Variants in CNOT2 observed in about 807,000 individuals in gnomAD.
CNOT2 encodes the protein CCR4-NOT transcription complex subunit 2.
A neutral mutation model predicts 72.1 loss-of-function variants in CNOT2; 7 were observed. That is an observed-to-expected ratio of 0.10 (90% confidence interval 0.06 to 0.18). The LOEUF is 0.18. CNOT2 is among the 10% of genes least tolerant of loss of function. The pLI is 1.00. For missense variants in CNOT2, 345 were observed against 660.3 expected, an observed-to-expected ratio of 0.52 and a Z score of 5.23; for synonymous variants, 196 against 225.6, an observed-to-expected ratio of 0.87 and a Z score of 1.17.
chr12:70,315,002 T>TA (rs1311442362), intron 3 of CNOT2, among the ~76,000 whole-genome samples: 1 of 152,096 alleles, frequency 6.6e-6, no homozygotes, highest in Non-Finnish European at 1.5e-5. Flanking sequence ...TAGCTGGGAT[T>TA]ACAGGCATGC....
chr12:70,300,035 G>C (rs1873617735), intron 2 of CNOT2, among the ~76,000 whole-genome samples: 1 of 152,266 alleles, frequency 6.6e-6, no homozygotes, highest in South Asian at 2.1e-4. Context: ...TTTGAGAAGT[G>C]TCTGTTCATG....
At chr12:70,291,177 T>C (rs998299266) in intron 2 of CNOT2, among the ~76,000 whole-genome samples, 5 of 152,194 alleles carry the variant, frequency 3.3e-5, no homozygotes, top group Non-Finnish European at 5.9e-5. Flanking sequence ...ATTCATTTTC[T>C]CAGCTGTCAG....
At chr12:70,265,038 C>G (rs1480931905) in intron 1 of CNOT2, among the ~76,000 whole-genome samples, 1 of 151,746 alleles carries the variant, frequency 6.6e-6, no homozygotes, top group Non-Finnish European at 1.5e-5. Flanking sequence ...ATTTGATTTG[C>G]TAATATTTTG....
intron 6 of CNOT2, 150 bp from the exon 7 acceptor site, chr12:70,332,617 A>T: frequency 8.7e-7 from 1 of 1,145,696 alleles, no homozygotes; most frequent in Non-Finnish European, 1.1e-6. Context: ...TCAAGTAAAG[A>T]TAAAGAATAG....
At chr12:70,266,315 G>T (rs952479770) in intron 1 of CNOT2, among the ~76,000 whole-genome samples, 8 of 152,054 alleles carry the variant, frequency 5.3e-5, no homozygotes, top group African/African-American at 9.7e-5. Flanking sequence ...CAGAGATGGG[G>T]TTTCTCCATG....
chr12:70,262,276 T>G (rs1174430047), intron 1 of CNOT2, among the ~76,000 whole-genome samples: 1 of 152,194 alleles, frequency 6.6e-6, no homozygotes, highest in African/African-American at 2.4e-5. Flanking sequence ...AGGTTTTGTT[T>G]TGTTTTGTTT....
intron 1 of CNOT2, among the ~76,000 whole-genome samples, chr12:70,260,131 A>G (rs1228595308): frequency 6.6e-6 from 1 of 152,162 alleles, no homozygotes; most frequent in Non-Finnish European, 1.5e-5. Context: ...TTTTATTAGT[A>G]TCTGCTCCAT....
chr12:70,311,033 A>G lies in CNOT2; in HGVS notation c.171+16A>G. 2 of 1,576,938 alleles carry G rather than the reference A, an allele frequency of 1.3e-6. No individual in the cohort carries two copies. The highest frequency in any genetic ancestry group is 1.7e-6 in the Non-Finnish European group (2 of 1,149,590). ...AGAAAAAGATGTAAGTTAATCAATT[A>G]TGTTGTATTTTTTCAGCAATGTAAG... On this transcript the variant is annotated intron_variant, in intron 3 of 15. Coordinates refer to ENST00000229195, the MANE Select transcript of CNOT2 (RefSeq NM_014515.7).
intron 2 of CNOT2, among the ~76,000 whole-genome samples, chr12:70,299,330 G>C (rs1428496734): frequency 6.6e-6 from 1 of 151,806 alleles, no homozygotes; most frequent in Non-Finnish European, 1.5e-5. Flanking sequence ...CCATTAACTT[G>C]TCATTTAGCA....
intron 15 of CNOT2, among the ~76,000 whole-genome samples, chr12:70,352,745 T>A (rs970943809): frequency 4.6e-5 from 7 of 152,346 alleles, no homozygotes; most frequent in South Asian, 4.1e-4. Flanking sequence ...CAGAGGTATT[T>A]GTTGTTTGCA....
intron 3 of CNOT2, among the ~76,000 whole-genome samples, chr12:70,311,233 G>A (rs1876403085): frequency 6.6e-6 from 1 of 151,872 alleles, no homozygotes; most frequent in African/African-American, 2.4e-5. Context: ...TCTCAAATTG[G>A]GATATGGTAA....
At chr12:70,300,037 CTGTT>C (rs1386125412) in intron 2 of CNOT2, among the ~76,000 whole-genome samples, 1 of 152,142 alleles carries the variant, frequency 6.6e-6, no homozygotes, top group Non-Finnish European at 1.5e-5. Flanking sequence ...TGAGAAGTGT[CTGTT>C]CATGTCCTTT....
At chr12:70,330,249 G>A (rs1879723535) in intron 5 of CNOT2, 38 bp from the exon 6 acceptor site, 1 of 1,012,422 alleles carries the variant, frequency 9.9e-7, no homozygotes, top group Non-Finnish European at 1.5e-6. Context: ...ATGAGTGATT[G>A]TAGAGAGCTT....
chr12:70,284,359 C>T (rs1434376095), intron 2 of CNOT2, among the ~76,000 whole-genome samples: 2 of 151,958 alleles, frequency 1.3e-5, no homozygotes, highest in Admixed American at 6.6e-5. Context: ...ATTTTCGTGC[C>T]TCAGCCTCCC....
chr12:70,268,636 T>A (rs553891204), intron 1 of CNOT2, among the ~76,000 whole-genome samples: 1 of 151,970 alleles, frequency 6.6e-6, no homozygotes. Flanking sequence ...AATTTTTTTT[T>A]TTTTGGTAGT....
At chr12:70,338,392 A>G in intron 9 of CNOT2, 51 bp from the exon 10 acceptor site, 1 of 1,503,624 alleles carries the variant, frequency 6.7e-7, no homozygotes, top group Non-Finnish European at 9.1e-7. Context: ...GTGAACTTGA[A>G]TTTGTATACT....
chr12:70,346,375 G>T, intron 15 of CNOT2, 51 bp downstream of exon 15: 1 of 1,483,834 alleles, frequency 6.7e-7, no homozygotes, highest in Non-Finnish European at 9.4e-7. Flanking sequence ...GAAAAAAGAA[G>T]TGTCCTCTTT....
At chr12:70,279,281 C>G (rs1738859175) in intron 2 of CNOT2, among the ~76,000 whole-genome samples, 2 of 152,274 alleles carry the variant, frequency 1.3e-5, no homozygotes, top group South Asian at 4.2e-4. Context: ...GTAAATTAGT[C>G]TTTTTGGTGT....
At chr12:70,263,442 A>G (rs1958873448) in intron 1 of CNOT2, among the ~76,000 whole-genome samples, 1 of 152,094 alleles carries the variant, frequency 6.6e-6, no homozygotes, top group East Asian at 1.9e-4. Flanking sequence ...TGTCAAATTT[A>G]CATTCTCCTT....
Sources: gnomAD v4.1 joint callset for allele counts (sites outside exome capture counted in the v4.1 genomes callset) on GRCh38, gnomAD v4.1.1 for gene constraint, MANE v1.5 for transcripts, NCBI Gene and HGNC (gene_info 2026-07-23, HGNC 2026-07-21) for gene names.